The following ITPRIP variants were observed in gnomAD, a reference collection of about 807,000 sequenced individuals.
ITPRIP encodes the protein inositol 1,4,5-trisphosphate receptor interacting protein, also known as inositol 1,4,5-trisphosphate receptor-interacting protein.
ITPRIP carries 32 observed loss-of-function variants against 35.8 expected under a neutral mutation model. The observed-to-expected ratio is 0.89, with a 90% CI of 0.68 to 1.20. ITPRIP has a LOEUF of 1.20. Ranked by LOEUF, ITPRIP falls within the 50% of genes most tolerant of loss-of-function variation. The probability of loss-of-function intolerance (pLI) is 0.00; values close to 1 mark genes in which losing one functional copy is unlikely to be tolerated. For synonymous variants in ITPRIP, 358 were observed against 324.0 expected, an observed-to-expected ratio of 1.11 and a Z score of -1.13; for missense variants, 653 against 735.6, an observed-to-expected ratio of 0.89 and a Z score of 1.30.
intron 1 of ITPRIP, among the ~76,000 whole-genome samples, chr10:104,319,542 G>A (rs891216850): frequency 6.6e-6 from 1 of 152,056 alleles, no homozygotes; most frequent in East Asian, 1.9e-4. Flanking sequence ...ACTTTCTCAC[G>A]TAATCCATCT....
At chr10:104,336,492 T>G in intron 1 of ITPRIP, among the ~76,000 whole-genome samples, 1 of 119,970 alleles carries the variant, frequency 8.3e-6, no homozygotes, top group South Asian at 2.7e-4. Context: ...GTTATTTTTT[T>G]TTGGGGGGGG....
chr10:104,330,349 T>G (rs1346420314), intron 1 of ITPRIP, among the ~76,000 whole-genome samples: 1 of 152,238 alleles, frequency 6.6e-6, no homozygotes, highest in Non-Finnish European at 1.5e-5. Flanking sequence ...GTGCTAACAG[T>G]GTAAGTGCCT....
Position 104,314,888 on chromosome 10 carries a change from C to T in ITPRIP, c.1164G>A (p.Glu388=), listed in dbSNP as rs758121002. Residue 388 remains glutamate (E), a synonymous_variant, in exon 2 of 2, where the codon GAG becomes GAA. Coordinates refer to ENST00000337478, the MANE Select transcript of ITPRIP (RefSeq NM_001272013.2). ...TTAGTGTCGTCCTGAGGAAGTGTCG[C>T]TCATAGACAGCAAAGGACAGGAGCC... ...TDWLLSFAVY[E]RHFLRTTLKA... The T allele has an allele frequency of 4.3e-6, 7 of 1,613,722 alleles. No homozygotes were observed. The East Asian group carries it at 1.3e-4, about 31-fold the overall frequency.
At position 104,312,488 on chromosome 10, in the gene ITPRIP, G is replaced by A. The variant is rs758659057; in HGVS notation, c.*1920C>T. ...TTGCCCCGATTCTACAAATGCATCT[G>A]ATGGAATGAGGAGGGTCAGGCTGTG... is the stretch of plus-strand genomic sequence containing the variant. On this transcript the variant is annotated 3_prime_UTR_variant, in exon 2 of 2. Coordinates refer to ENST00000337478, the MANE Select transcript of ITPRIP (RefSeq NM_001272013.2). The A allele has an allele frequency of 3.3e-6, 1 of 299,826 alleles. No individual in the cohort carries two copies. Among genetic ancestry groups the A allele is most frequent in the Non-Finnish European group, 4.9e-6 (1 of 202,706 alleles). 18.6% of individuals were successfully genotyped at this position (299,826 alleles called of 1,614,324 possible).
rs2135207472 is a variant in ITPRIP, at chr10:104,328,995, A to C, written c.-14+9251T>G. 1 of 152,316 alleles carries C rather than the reference A, an allele frequency of 6.6e-6. No homozygotes were observed. The highest frequency in any genetic ancestry group is 2.4e-5 in the African/African-American group (1 of 41,350). 9.4% of individuals were successfully genotyped at this position (152,316 alleles called of 1,614,324 possible). On this transcript the variant is annotated intron_variant, in intron 1 of 1. Coordinates refer to ENST00000337478, the MANE Select transcript of ITPRIP (RefSeq NM_001272013.2). The surrounding 1 kb of genome is among the most constrained non-coding windows in gnomAD (Gnocchi z 4.1). The stretch of plus-strand genomic sequence containing the variant: ...CCTGGGCCCCAGCTGGGCTGGGGAG[A>C]GCGGGGAGGGGAGAGGAAGAGAAGC...
chr10:104,324,550 C>T (rs1202823825), intron 1 of ITPRIP, among the ~76,000 whole-genome samples: 1 of 152,154 alleles, frequency 6.6e-6, no homozygotes, highest in Admixed American at 6.5e-5. Flanking sequence ...AGTCATCTGC[C>T]CCCTCTCCCA....
At position 104,315,610 on chromosome 10, in the gene ITPRIP, G is replaced by A. The variant is rs140757516; in HGVS notation, c.442C>T (p.Arg148Cys). 6.2e-6 allele frequency: 10 copies of A among 1,613,074 alleles called. No individual in the cohort carries two copies. The highest frequency in any genetic ancestry group is 1.1e-5 in the South Asian group (1 of 91,082). The change falls in exon 2 of 2, where the codon CGC (arginine) becomes TGC (cysteine). Residue 148 changes from arginine (R) to cysteine (C), a missense_variant. Coordinates refer to ENST00000337478, the MANE Select transcript of ITPRIP (RefSeq NM_001272013.2). The surrounding 1 kb of genome is among the most constrained non-coding windows in gnomAD (Gnocchi z 5.7). ...NKATLGHFYE[R>C]CIRGATADAA... ...TCGGCCGTGGCCCCCCGGATGCAGC[G>A]CTCATAAAAGTGGCCAAGCGTGGCC...
intron 1 of ITPRIP, 46 bp from the exon 2 acceptor site, chr10:104,316,110 C>T (rs2013679630): frequency 1.4e-6 from 2 of 1,455,024 alleles, no homozygotes; most frequent in Non-Finnish European, 1.8e-6. Context: ...CCCTCAATGC[C>T]ACTTCGTCCC....
chr10:104,325,145 G>A (rs560150188), intron 1 of ITPRIP, among the ~76,000 whole-genome samples: 5 of 152,332 alleles, frequency 3.3e-5, no homozygotes, highest in East Asian at 1.9e-4. Context: ...GCTTGAGCCC[G>A]GGAGGCGGAG....
chr10:104,314,615 G>T lies in ITPRIP; in HGVS notation c.1437C>A (p.Ile479=), dbSNP rs377032318. ...LLQKKLHHFF[I]GNRKVPEAMG... is the part of the protein sequence containing the mutation. ...TGGCCTCAGGCACCTTGCGGTTGCCGATGAAGAAGTGGTGGAGCTTCTTCT... is the reference window on the plus strand; with the variant it reads ...TGGCCTCAGGCACCTTGCGGTTGCCTATGAAGAAGTGGTGGAGCTTCTTCT... The change falls in exon 2 of 2, where the codon ATC becomes ATA. Residue 479 remains isoleucine (I), a synonymous_variant. Transcript: ENST00000337478. 6.2e-7 allele frequency: 1 copy of T among 1,614,154 alleles called. No homozygotes were observed. Among genetic ancestry groups the T allele is most frequent in the Non-Finnish European group, 8.5e-7 (1 of 1,180,020 alleles).
intron 1 of ITPRIP, among the ~76,000 whole-genome samples, chr10:104,336,841 G>A (rs972534283): frequency 1.6e-4 from 25 of 152,294 alleles, no homozygotes; most frequent in African/African-American, 5.8e-4. Context: ...AAACAAAACC[G>A]AAAACAAAAC....
chr10:104,316,458 G>A (rs1449555724), intron 1 of ITPRIP, among the ~76,000 whole-genome samples: 3 of 152,178 alleles, frequency 2.0e-5, no homozygotes, highest in Non-Finnish European at 4.4e-5. Context: ...GTTCTGGGAT[G>A]AGCATTTGAT....
rs977985959 is a variant in ITPRIP, at chr10:104,311,639, A to C, written c.*2769T>G. On this transcript the variant is annotated 3_prime_UTR_variant, in exon 2 of 2. Coordinates refer to ENST00000337478, the MANE Select transcript of ITPRIP (RefSeq NM_001272013.2). Reference sequence around the variant, plus strand: ...AACCAGCCTCTTGGCCTAGGGGCCAACTCTATTCATTTCACCCTTGTTATT... The same window carrying C: ...AACCAGCCTCTTGGCCTAGGGGCCACCTCTATTCATTTCACCCTTGTTATT... 1 of 151,944 alleles carries C rather than the reference A, an allele frequency of 6.6e-6. No individual in the cohort carries two copies. The highest frequency in any genetic ancestry group is 1.5e-5 in the Non-Finnish European group (1 of 67,984). The allele number at this position is 151,944 out of a possible 1,614,324, so 9.4% of individuals were successfully genotyped here.
chr10:104,311,101 ACT>A lies in ITPRIP; in HGVS notation c.*3305_*3306del, dbSNP rs1210093623. ...TTAGGCTCCTGACAAATGCTTGTGGACTATTCATGACCTGCTTGGGAGAAGGG... is the reference window on the plus strand; with the variant it reads ...TTAGGCTCCTGACAAATGCTTGTGGAATTCATGACCTGCTTGGGAGAAGGG... On this transcript the variant is annotated 3_prime_UTR_variant, in exon 2 of 2. Coordinates refer to ENST00000337478, the MANE Select transcript of ITPRIP (RefSeq NM_001272013.2). 1 of 151,980 alleles carries A rather than the reference ACT, an allele frequency of 6.6e-6. No individual in the cohort carries two copies. Among genetic ancestry groups the A allele is most frequent in the African/African-American group, 2.4e-5 (1 of 41,376 alleles). The allele number at this position is 151,980 out of a possible 1,614,324, so 9.4% of individuals were successfully genotyped here. A position where few individuals can be genotyped will look rare whatever the true frequency, so the allele number is the denominator to read the frequency against.
chr10:104,324,701 G>A (rs537883284), intron 1 of ITPRIP, among the ~76,000 whole-genome samples: 61 of 152,158 alleles, frequency 4.0e-4, no homozygotes, highest in Non-Finnish European at 7.8e-4. Context: ...GGGCCAGCCC[G>A]CAGGGAAAAT....
intron 1 of ITPRIP, among the ~76,000 whole-genome samples, chr10:104,321,689 G>GTTTCT (rs1359007205): frequency 1.7e-4 from 25 of 149,306 alleles, no homozygotes; most frequent in East Asian, 1.6e-3. Flanking sequence ...ACCACTGTAA[G>GTTTCT]TTTCTTTTCT....
intron 1 of ITPRIP, among the ~76,000 whole-genome samples, chr10:104,331,385 C>T (rs751831711): frequency 2.0e-5 from 3 of 152,208 alleles, no homozygotes; most frequent in African/African-American, 4.8e-5. Flanking sequence ...CTATTGAAGC[C>T]GGCTCCCATG....
At chr10:104,336,319 C>CT (rs550925855) in intron 1 of ITPRIP, among the ~76,000 whole-genome samples, 1 of 152,148 alleles carries the variant, frequency 6.6e-6, no homozygotes, top group Admixed American at 6.5e-5. Context: ...TAATAAAGTC[C>CT]TGCTTCTCAG....
rs1037573101 is a variant in ITPRIP at position 104,313,405 on chromosome 10, G to A, written c.*1003C>T. The stretch of plus-strand genomic sequence containing the variant: ...AAGAGGTTGAGAGGCTTGGCTCTGC[G>A]CACAGCCTCTGGGAGTGCCATGGCC... On this transcript the variant is annotated 3_prime_UTR_variant, in exon 2 of 2. Coordinates refer to ENST00000337478, the MANE Select transcript of ITPRIP (RefSeq NM_001272013.2). 3.0e-5 allele frequency: 30 copies of A among 986,050 alleles called. No individual in the cohort carries two copies. In the African/African-American group the frequency reaches 3.3e-4, roughly 11 times the overall value. 61.1% of individuals were successfully genotyped at this position (986,050 alleles called of 1,614,324 possible).
Sources: gnomAD v4.1 joint callset for allele counts (sites outside exome capture counted in the v4.1 genomes callset) on GRCh38, gnomAD v4.1.1 for gene constraint, Gnocchi (gnomAD v3.1) non-coding constraint, MANE v1.5 for transcripts, NCBI Gene and HGNC (gene_info 2026-07-23, HGNC 2026-07-21) for gene names.